Variants in CALM3 observed in about 807,000 individuals in gnomAD.
The protein encoded by CALM3 is calmodulin 3.
In CALM3, 5 loss-of-function variants were observed where a neutral mutation model predicts 20.1. The ratio of observed to expected loss-of-function variants is 0.25; its 90% confidence interval spans 0.13 to 0.52. The LOEUF is 0.52. Among genes scored for constraint, CALM3 ranks in the 20% least tolerant of loss-of-function variants. CALM3 has a pLI of 0.96. For synonymous variants in CALM3, 69 were observed against 68.1 expected (o/e 1.01, Z -0.06); for missense variants, 57 against 192.8 (o/e 0.30, Z 4.17).
rs1038398134 is a variant in CALM3, at chr19:46,605,507, G to A, written c.4-320G>A. On this transcript the variant is annotated intron_variant, in intron 1 of 5. Transcript: ENST00000291295. This position sits in a 1 kb window ranked among gnomAD's most constrained non-coding sequence, Gnocchi z 4.1. ...ACCAGCGCTGCTGGTTTGGGGCTGG[G>A]GCAGGCTTTTCTCCCGCCCCTGTGG... Among the ~76,000 whole-genome samples the A allele has an allele frequency of 6.6e-6, 1 of 152,226 alleles. No homozygotes were observed. Among genetic ancestry groups the A allele is most frequent in the African/African-American group, 2.4e-5 (1 of 41,460 alleles).
rs752528019 is a variant in CALM3 at position 46,605,802 on chromosome 19, G to A, written c.4-25G>A. 6.2e-6 allele frequency: 10 copies of A among 1,613,696 alleles called. No homozygotes were observed. The highest frequency in any genetic ancestry group is 2.2e-5 in the East Asian group (1 of 44,890). ...GTCCGTGCTGTCCGGCCTGGTGACTGACTTTCCCCTTCATGCTTTTACAGG... is the reference window on the plus strand; with the variant it reads ...GTCCGTGCTGTCCGGCCTGGTGACTAACTTTCCCCTTCATGCTTTTACAGG... On this transcript the variant is annotated intron_variant, in intron 1 of 5. Coordinates refer to ENST00000291295, the MANE Select transcript of CALM3 (RefSeq NM_005184.4). This position sits in a 1 kb window ranked among gnomAD's most constrained non-coding sequence, Gnocchi z 4.1.
At chr19:46,602,889 G>A (rs768743740) in intron 1 of CALM3, among the ~76,000 whole-genome samples, 11 of 152,302 alleles carry the variant, frequency 7.2e-5, no homozygotes, top group South Asian at 4.1e-4. Flanking sequence ...ACAGTGTGGC[G>A]TCAGTGACAA....
At chr19:46,609,049 A>G (rs1021714998) in intron 5 of CALM3, 68 bp downstream of exon 5, 103 of 1,612,112 alleles carry the variant, frequency 6.4e-5, no homozygotes, top group Non-Finnish European at 8.5e-5. Flanking sequence ...AAGCCCCCAG[A>G]TCCCTCTTGT....
chr19:46,604,952 G>T (rs1385726273), intron 1 of CALM3, among the ~76,000 whole-genome samples: 1 of 151,718 alleles, frequency 6.6e-6, no homozygotes, highest in African/African-American at 2.4e-5. Context: ...CACCAGTGCA[G>T]GAGAAGCCAG....
At chr19:46,606,792 C>T (rs921746471) in intron 2 of CALM3, among the ~76,000 whole-genome samples, 6 of 152,094 alleles carry the variant, frequency 3.9e-5, no homozygotes, top group African/African-American at 1.2e-4. Flanking sequence ...CTGAGCTGCC[C>T]GAGGACAGAG....
At chr19:46,606,213 T>C (rs1025062604) in intron 2 of CALM3, 3 of 248,344 alleles carry the variant, frequency 1.2e-5, no homozygotes, top group South Asian at 4.8e-5. Context: ...CTGTGGGGCC[T>C]GCAGAGCTCC....
chr19:46,607,336 C>T (rs1031090049), intron 2 of CALM3, among the ~76,000 whole-genome samples: 49 of 152,218 alleles, frequency 3.2e-4, no homozygotes, highest in African/African-American at 1.2e-3. Flanking sequence ...ACCCTGTCCC[C>T]ATTAGCAAAC....
chr19:46,601,998 A>T lies in CALM3; in HGVS notation c.3+561A>T. 1.2e-6 allele frequency: 1 copy of T among 831,518 alleles called. No individual in the cohort carries two copies. The highest frequency in any genetic ancestry group is 5.1e-4 in the Middle Eastern group (1 of 1,966). The allele number at this position is 831,518 out of a possible 1,614,324, so 51.5% of individuals were successfully genotyped here. A position where few individuals can be genotyped will look rare whatever the true frequency, so the allele number is the denominator to read the frequency against. ...TGTGGAGCAGAGGAGAGGGTCAAGGATGGGCGGTCACTTCTACAGATGAGA... is the reference window on the plus strand; with the variant it reads ...TGTGGAGCAGAGGAGAGGGTCAAGGTTGGGCGGTCACTTCTACAGATGAGA... On this transcript the variant is annotated intron_variant, in intron 1 of 5. Transcript: ENST00000291295. The surrounding 1 kb of genome is among the most constrained non-coding windows in gnomAD (Gnocchi z 4.2).
Position 46,608,333 on chromosome 19 carries a change from T to C in CALM3, c.171T>C (p.Asp57=), listed in dbSNP as rs1971787120. The C allele has an allele frequency of 3.1e-6, 5 of 1,614,054 alleles. No individual in the cohort carries two copies. Among genetic ancestry groups the C allele is most frequent in the Non-Finnish European group, 4.2e-6 (5 of 1,179,964 alleles). ...AELQDMINEV[D]ADGNGTIDFP... ...TGCAGGATATGATCAATGAGGTGGA[T>C]GCAGATGGTGAGCCCCACAGAGCGC... Residue 57 remains aspartate, a synonymous_variant, in exon 3 of 6, where the codon GAT becomes GAC. Coordinates refer to ENST00000291295, the MANE Select transcript of CALM3 (RefSeq NM_005184.4). This position sits in a 1 kb window ranked among gnomAD's most constrained non-coding sequence, Gnocchi z 5.5.
intron 1 of CALM3, among the ~76,000 whole-genome samples, chr19:46,604,170 G>A (rs1017913427): frequency 4.6e-5 from 7 of 152,078 alleles, no homozygotes; most frequent in African/African-American, 9.7e-5. Flanking sequence ...GCCTGGTCTC[G>A]GTAACCAGAA....
rs1971845015 is a variant in CALM3, at chr19:46,610,078, A to G, written c.*925A>G. ...CCCCTCTATGGCCCTTAAGACTTTC[A>G]TTTTGTTCAGAACCATGCTGGGCTA... On this transcript the variant is annotated 3_prime_UTR_variant, in exon 6 of 6. Transcript: ENST00000291295. 1 of 151,304 alleles carries G rather than the reference A, an allele frequency of 6.6e-6. No individual in the cohort carries two copies. The highest frequency in any genetic ancestry group is 2.4e-5 in the African/African-American group (1 of 40,842). 9.4% of individuals were successfully genotyped at this position (151,304 alleles called of 1,614,324 possible). A position where few individuals can be genotyped will look rare whatever the true frequency, so the allele number is the denominator to read the frequency against.
upstream of CALM3, chr19:46,601,314 GGC>G: frequency 1.1e-6 from 1 of 924,128 alleles, no homozygotes; most frequent in South Asian, 2.9e-5. The surrounding 1 kb of genome is among the most constrained non-coding windows in gnomAD (Gnocchi z 4.2). Context: ...CGGCGGCGGC[GGC>G]GCGCGCTGCG....
chr19:46,608,663 G>C lies in CALM3; in HGVS notation c.285+75G>C, dbSNP rs1971797615. ...GCAGACAGGCGGAACTGGAGCCACG[G>C]AGCTACCACTTCCAGGAGGTCCGGG... On this transcript the variant is annotated intron_variant, in intron 4 of 5. Coordinates refer to ENST00000291295, the MANE Select transcript of CALM3 (RefSeq NM_005184.4). This position sits in a 1 kb window ranked among gnomAD's most constrained non-coding sequence, Gnocchi z 5.5. 1.5e-6 allele frequency: 2 copies of C among 1,370,120 alleles called. No individual in the cohort carries two copies. Among genetic ancestry groups the C allele is most frequent in the Middle Eastern group, 2.0e-4 (1 of 4,934 alleles). 84.9% of individuals were successfully genotyped at this position (1,370,120 alleles called of 1,614,324 possible).
upstream of CALM3, chr19:46,601,297 G>A (rs555402920): frequency 2.8e-3 from 2,033 of 736,966 alleles, 6 homozygotes; most frequent in Non-Finnish European, 3.1e-3. This position sits in a 1 kb window ranked among gnomAD's most constrained non-coding sequence, Gnocchi z 4.2. Context: ...GTTGGGGCGG[G>A]AGGCGGCGGC....
intron 1 of CALM3, among the ~76,000 whole-genome samples, chr19:46,603,597 G>A (rs1409891037): frequency 6.6e-6 from 1 of 152,158 alleles, no homozygotes; most frequent in Non-Finnish European, 1.5e-5. Context: ...GGAAGCAGGA[G>A]ACCAGCTGAG....
upstream of CALM3, chr19:46,601,153 G>A: frequency 1.7e-6 from 1 of 604,962 alleles, no homozygotes; most frequent in Non-Finnish European, 2.8e-6. This position sits in a 1 kb window ranked among gnomAD's most constrained non-coding sequence, Gnocchi z 4.2. Flanking sequence ...GCAGGGTGGG[G>A]ACGAGAGATT....
intron 1 of CALM3, among the ~76,000 whole-genome samples, chr19:46,604,199 C>G (rs536029465): frequency 2.0e-5 from 3 of 152,198 alleles, no homozygotes; most frequent in Non-Finnish European, 4.4e-5. Flanking sequence ...TCCCTTCTCA[C>G]TTTCCCTAAG....
At chr19:46,602,258 T>C (rs770500105) in intron 1 of CALM3, 157 of 1,316,298 alleles carry the variant, frequency 1.2e-4, no homozygotes, top group Non-Finnish European at 1.6e-4. Context: ...CCCTTGGGGT[T>C]AATTTGGAAG....
At position 46,609,243 on chromosome 19, in the gene CALM3, G is replaced by A. The variant is rs1245727896; in HGVS notation, c.*90G>A. On this transcript the variant is annotated 3_prime_UTR_variant, in exon 6 of 6. Coordinates refer to ENST00000291295, the MANE Select transcript of CALM3 (RefSeq NM_005184.4). ...TCTTCAACACTCCCCTGCGTACCCC[G>A]GTTCTAGCAAACACCAATTGATTGA... 37 of 1,201,548 alleles carry A rather than the reference G, an allele frequency of 3.1e-5. No individual in the cohort carries two copies. The East Asian group carries it at 4.0e-4, about 13-fold the overall frequency. 74.4% of individuals were successfully genotyped at this position (1,201,548 alleles called of 1,614,324 possible).
Sources: allele counts gnomAD v4.1 joint callset (sites outside exome capture counted in the v4.1 genomes callset), GRCh38; gene constraint gnomAD v4.1.1; non-coding constraint Gnocchi (gnomAD v3.1); transcripts MANE v1.5; gene names NCBI Gene and HGNC (gene_info 2026-07-23, HGNC 2026-07-21).